MLLT3: variants seen among roughly 807,000 people sequenced by gnomAD.
MLLT3 encodes MLLT3 super elongation complex subunit.
In MLLT3, 4 loss-of-function variants were observed where a neutral mutation model predicts 53.2. The ratio of observed to expected loss-of-function variants is 0.08; its 90% CI spans 0.04 to 0.17. The LOEUF (loss-of-function observed/expected upper bound fraction) is 0.17, where lower values mean the gene tolerates loss of function less well. Among genes scored for constraint, MLLT3 ranks in the 10% least tolerant of loss-of-function variants. The pLI is 1.00. For synonymous variants in MLLT3, 283 were observed against 230.6 expected (o/e 1.23, Z -2.06); for missense variants, 569 against 684.0 (o/e 0.83, Z 1.87).
At chr9:20,587,195 A>G (rs1167110913) in intron 2 of MLLT3, among the ~76,000 whole-genome samples, 1 of 151,878 alleles carries the variant, frequency 6.6e-6, no homozygotes, top group African/African-American at 2.4e-5. Context: ...CCAAAAAAAA[A>G]AAAAAAACAA....
chr9:20,619,900 TC>T (rs551969221), intron 2 of MLLT3, among the ~76,000 whole-genome samples: 51 of 152,312 alleles, frequency 3.3e-4, no homozygotes, highest in African/African-American at 1.2e-3. Flanking sequence ...TTCCTCCACA[TC>T]GTTCCTCTTC....
intron 5 of MLLT3, among the ~76,000 whole-genome samples, chr9:20,381,784 A>G (rs896931853): frequency 5.1e-4 from 78 of 152,012 alleles, no homozygotes; most frequent in African/African-American, 1.9e-3. Flanking sequence ...ATGTGAATGG[A>G]GAAAATCATT....
At chr9:20,347,940 T>C (rs1054350673) in intron 10 of MLLT3, among the ~76,000 whole-genome samples, 1 of 152,210 alleles carries the variant, frequency 6.6e-6, no homozygotes, top group Non-Finnish European at 1.5e-5. Flanking sequence ...TTAGCTTTCT[T>C]TTAAAAAATA....
At chr9:20,456,440 T>C (rs115074123) in intron 3 of MLLT3, among the ~76,000 whole-genome samples, 2,565 of 152,282 alleles carry the variant, frequency 0.017, 80 homozygotes, top group African/African-American at 0.058. Context: ...ATATTTATCT[T>C]TTCCAAAATG....
At chr9:20,408,363 C>T (rs1290474679) in intron 5 of MLLT3, among the ~76,000 whole-genome samples, 3 of 151,838 alleles carry the variant, frequency 2.0e-5, no homozygotes, top group African/African-American at 4.8e-5. Flanking sequence ...AGGCTGCCTC[C>T]TCCTCAGTGT....
At chr9:20,441,604 T>C (rs1266644959) in intron 4 of MLLT3, among the ~76,000 whole-genome samples, 1 of 152,166 alleles carries the variant, frequency 6.6e-6, no homozygotes, top group African/African-American at 2.4e-5. Flanking sequence ...TGCTTCGTCT[T>C]ACATTTATTT....
chr9:20,406,318 G>C (rs1248854352), intron 5 of MLLT3, among the ~76,000 whole-genome samples: 1 of 152,056 alleles, frequency 6.6e-6, no homozygotes, highest in African/African-American at 2.4e-5. Flanking sequence ...TTCCTTCAAA[G>C]ACCAGCTCAA....
chr9:20,398,368 T>C (rs186441029), intron 5 of MLLT3, among the ~76,000 whole-genome samples: 21 of 152,236 alleles, frequency 1.4e-4, no homozygotes, highest in Admixed American at 3.9e-4. Context: ...ATGAGCTACA[T>C]GGCTACAATA....
intron 2 of MLLT3, among the ~76,000 whole-genome samples, chr9:20,461,863 C>G (rs1824116167): frequency 6.6e-6 from 1 of 152,150 alleles, no homozygotes; most frequent in African/African-American, 2.4e-5. Context: ...ATTTACTGTG[C>G]AGAGAGCCCT....
rs1446083906 is a variant in MLLT3 at position 20,622,482 on chromosome 9, A to G, written c.-226T>C. ...AAGCAGCAGCAGCAGCAGCAGCTCC[A>G]GGGTAAAGAAGATGATTGCGGAGCA... On this transcript the variant is annotated 5_prime_UTR_variant, in exon 1 of 11. Transcript: ENST00000380338. 2 of 510,522 alleles carry G rather than the reference A, an allele frequency of 3.9e-6. No homozygotes were observed. The highest frequency in any genetic ancestry group is 6.9e-6 in the Non-Finnish European group (2 of 289,060). 31.6% of individuals were successfully genotyped at this position (510,522 alleles called of 1,614,324 possible).
rs369201644 is a variant in MLLT3 at position 20,377,920 on chromosome 9, A to T, written c.1126-12176T>A. On this transcript the variant is annotated intron_variant, in intron 5 of 10. Transcript: ENST00000380338. ...AGCTTATGAAACAAGGACTACTGAT[A>T]GTTGCAAGGGTTATTTCTCTACAAG... Among the ~76,000 whole-genome samples the T allele has an allele frequency of 2.4e-4, 37 of 152,216 alleles. No homozygotes were observed. The East Asian group carries it at 2.9e-3, about 12-fold the overall frequency.
chr9:20,539,382 T>G (rs755112218), intron 2 of MLLT3, among the ~76,000 whole-genome samples: 4 of 152,216 alleles, frequency 2.6e-5, no homozygotes, highest in Non-Finnish European at 5.9e-5. Flanking sequence ...TATAAAGAAC[T>G]ACCTGAGAAT....
At chr9:20,405,747 G>T (rs1822561541) in intron 5 of MLLT3, among the ~76,000 whole-genome samples, 1 of 152,130 alleles carries the variant, frequency 6.6e-6, no homozygotes, top group East Asian at 1.9e-4. Flanking sequence ...TCTCAGAGAG[G>T]ATAACACAAA....
At position 20,621,408 on chromosome 9, in the gene MLLT3, G is replaced by A. The variant is rs1168310776; in HGVS notation, c.13-574C>T. Among the ~76,000 whole-genome samples the A allele has an allele frequency of 6.6e-6, 1 of 152,124 alleles. No homozygotes were observed. The highest frequency in any genetic ancestry group is 2.4e-5 in the African/African-American group (1 of 41,424). ...CAAACTCCCGTGCTCTTGCCACGGG[G>A]TTCGTGCACAACAAAAATGAGACGT... On this transcript the variant is annotated intron_variant, in intron 1 of 10. Transcript: ENST00000380338. This position sits in a 1 kb window ranked among gnomAD's most constrained non-coding sequence, Gnocchi z 7.0.
At chr9:20,514,220 G>A (rs1817841998) in intron 2 of MLLT3, among the ~76,000 whole-genome samples, 8 of 152,164 alleles carry the variant, frequency 5.3e-5, no homozygotes, top group Admixed American at 5.2e-4. Flanking sequence ...ATGGGCTAAG[G>A]AAACAGTGGG....
intron 2 of MLLT3, among the ~76,000 whole-genome samples, chr9:20,502,088 A>C (rs1468283284): frequency 8.2e-6 from 1 of 122,536 alleles, no homozygotes; most frequent in African/African-American, 2.7e-5. Flanking sequence ...TCTCAAAAAA[A>C]AAAAAGGGGG....
intron 2 of MLLT3, among the ~76,000 whole-genome samples, chr9:20,575,346 C>T (rs2094845): frequency 0.31 from 47,148 of 152,000 alleles, 7,707 homozygotes; most frequent in South Asian, 0.4. Flanking sequence ...CCATAGATAG[C>T]AGGCTTGAAT....
At chr9:20,414,452 A>T in intron 4 of MLLT3, 27 bp from the exon 5 acceptor site, 1 of 1,601,208 alleles carries the variant, frequency 6.2e-7, no homozygotes, top group Non-Finnish European at 8.5e-7. Flanking sequence ...AGAAAATGAA[A>T]CTCCCAAAAC....
At chr9:20,595,350 G>A (rs1053400173) in intron 2 of MLLT3, among the ~76,000 whole-genome samples, 1 of 151,924 alleles carries the variant, frequency 6.6e-6, no homozygotes, top group Non-Finnish European at 1.5e-5. Flanking sequence ...CAGCCTGAGT[G>A]ACAGAGCAAG....
Sources: allele counts gnomAD v4.1 joint callset (sites outside exome capture counted in the v4.1 genomes callset), GRCh38; gene constraint gnomAD v4.1.1; non-coding constraint Gnocchi (gnomAD v3.1); transcripts MANE v1.5; gene names NCBI Gene and HGNC (gene_info 2026-07-23, HGNC 2026-07-21).